The following PCDH15 variants were observed in gnomAD, a reference collection of about 807,000 sequenced individuals.
The protein encoded by PCDH15 is protocadherin-15.
Under a neutral mutation model 178.5 loss-of-function variants are expected in PCDH15, and 129 were observed. The ratio of observed to expected loss-of-function variants is 0.72; its 90% CI spans 0.63 to 0.84. The LOEUF (loss-of-function observed/expected upper bound fraction) is 0.84. Ranked by LOEUF, PCDH15 falls within the 40% of genes least tolerant of loss-of-function variation. The pLI is 0.00. For synonymous variants in PCDH15, 800 were observed against 732.0 expected (o/e 1.09, Z -1.50); for missense variants, 2,230 against 2,099.9 (o/e 1.06, Z -1.21).
In PCDH15 at chr10:54,490,222, G is replaced by A. The variant is rs185301589; in HGVS notation, c.157+37590C>T. Among the ~76,000 whole-genome samples, 97 of 152,084 alleles carry A rather than the reference G, an allele frequency of 6.4e-4. 1 individual carries two copies. The highest frequency in any genetic ancestry group is 1.9e-4 in the East Asian group (1 of 5,150). The stretch of plus-strand genomic sequence containing the variant: ...TCCCAGCACTTTGGGAGGCTGAGGC[G>A]GGCGAATCACGAGGTCAGGAGATCG... On this transcript the variant is annotated intron_variant, in intron 3 of 37. Coordinates refer to ENST00000644397, the MANE Select transcript of PCDH15 (RefSeq NM_001384140.1).
At chr10:55,381,540 A>C (rs1444912005) in intron 2 of PCDH15, among the ~76,000 whole-genome samples, 1 of 152,074 alleles carries the variant, frequency 6.6e-6, no homozygotes, top group African/African-American at 2.4e-5. Context: ...GGAGGAATTT[A>C]AGTCTTTATA....
intron 2 of PCDH15, among the ~76,000 whole-genome samples, chr10:55,337,872 C>G (rs1374178300): frequency 6.6e-6 from 1 of 151,934 alleles, no homozygotes; most frequent in African/African-American, 2.4e-5. Flanking sequence ...AATATAGAGA[C>G]AATTCACAGA....
At chr10:53,901,040 A>G (rs908849067) in intron 26 of PCDH15, among the ~76,000 whole-genome samples, 14 of 152,086 alleles carry the variant, frequency 9.2e-5, no homozygotes, top group Non-Finnish European at 2.1e-4. Flanking sequence ...TGTTCTTTCC[A>G]TGGTTCAGGG....
At chr10:53,838,469 A>G (rs1263288877) in intron 29 of PCDH15, among the ~76,000 whole-genome samples, 1 of 152,030 alleles carries the variant, frequency 6.6e-6, no homozygotes, top group Admixed American at 6.5e-5. Context: ...TTTTTCCCCA[A>G]ATATTTAATC....
intron 2 of PCDH15, among the ~76,000 whole-genome samples, chr10:55,130,949 C>T (rs1224911774): frequency 6.6e-6 from 1 of 151,544 alleles, no homozygotes; most frequent in Non-Finnish European, 1.5e-5. Context: ...ATGAATTCAG[C>T]TCTAAAAAGA....
intron 28 of PCDH15, among the ~76,000 whole-genome samples, chr10:53,856,397 A>G (rs1346376830): frequency 6.6e-6 from 1 of 151,942 alleles, no homozygotes; most frequent in Non-Finnish European, 1.5e-5. Flanking sequence ...ATACTCAGCC[A>G]TGGTGAGTCT....
chr10:54,578,742 C>T (rs10825364), intron 2 of PCDH15, among the ~76,000 whole-genome samples: 2 of 151,836 alleles, frequency 1.3e-5, no homozygotes, highest in African/African-American at 2.4e-5. Context: ...CCACAAAGTT[C>T]GAATGGCATA....
At chr10:53,904,466 G>GCC (rs2082533787) in intron 25 of PCDH15, among the ~76,000 whole-genome samples, 1 of 79,416 alleles carries the variant, frequency 1.3e-5, no homozygotes, top group East Asian at 8.2e-4. Flanking sequence ...CTTAGAAATA[G>GCC]TCTTTTTTTT....
chr10:55,128,858 C>T (rs186864628), intron 2 of PCDH15, among the ~76,000 whole-genome samples: 51 of 152,204 alleles, frequency 3.4e-4, no homozygotes, highest in East Asian at 9.7e-4. Context: ...TGAGGCTTAA[C>T]GCTACTTGCA....
intron 2 of PCDH15, among the ~76,000 whole-genome samples, chr10:54,589,053 CT>C (rs1025887959): frequency 2.6e-5 from 4 of 151,590 alleles, no homozygotes; most frequent in South Asian, 2.1e-4. Flanking sequence ...CATATTTTTG[CT>C]TTTTTTTAAG....
intron 8 of PCDH15, among the ~76,000 whole-genome samples, chr10:54,299,860 C>A (rs1219131618): frequency 6.6e-6 from 1 of 152,128 alleles, no homozygotes; most frequent in East Asian, 1.9e-4. Context: ...GCTATCTATA[C>A]CAATTCTAAG....
intron 5 of PCDH15, among the ~76,000 whole-genome samples, chr10:54,350,289 T>G (rs2583028): frequency 2.6e-5 from 4 of 152,034 alleles, no homozygotes; most frequent in African/African-American, 9.7e-5. Flanking sequence ...CAGGGGAGGA[T>G]GGGCAGGCTC....
intron 9 of PCDH15, among the ~76,000 whole-genome samples, chr10:54,224,584 C>A (rs1414410725): frequency 1.3e-5 from 2 of 152,064 alleles, no homozygotes; most frequent in African/African-American, 4.8e-5. Context: ...TTCCATTCCT[C>A]TGACATTAAA....
intron 2 of PCDH15, among the ~76,000 whole-genome samples, chr10:55,153,663 A>C (rs1022478647): frequency 5.9e-5 from 9 of 152,094 alleles, no homozygotes; most frequent in Non-Finnish European, 1.2e-4. Context: ...CACTACCTTC[A>C]TAGGTTTAAG....
chr10:54,183,273 T>C (rs951040032), intron 13 of PCDH15, among the ~76,000 whole-genome samples, 171 bp downstream of exon 13: 1 of 152,236 alleles, frequency 6.6e-6, no homozygotes. Flanking sequence ...GCCTGGCGGA[T>C]ATGCTTTTAT....
intron 18 of PCDH15, among the ~76,000 whole-genome samples, chr10:54,029,008 C>G (rs1443674478): frequency 6.6e-6 from 1 of 152,104 alleles, no homozygotes; most frequent in Non-Finnish European, 1.5e-5. Flanking sequence ...CTGAGACACA[C>G]ATCTAATGGA....
intron 21 of PCDH15, among the ~76,000 whole-genome samples, chr10:53,982,240 A>G (rs553567978): frequency 6.2e-4 from 94 of 152,334 alleles, no homozygotes; most frequent in African/African-American, 2.2e-3. Context: ...AACTAGTTCA[A>G]CCACTGTGGA....
rs140007360 is a variant in PCDH15, at chr10:54,455,024, T to G, written c.157+72788A>C. ...ATAGTGAATTTGTTCTCACAAGATA[T>G]CATGGTTTTATAAGGGGTTTTTCCC... On this transcript the variant is annotated intron_variant, in intron 3 of 37. Transcript: ENST00000644397. 4.7e-3 allele frequency among the ~76,000 whole-genome samples: 713 copies of G among 152,272 alleles called. 7 individuals carry two copies. Among genetic ancestry groups the G allele is most frequent in the African/African-American group, 0.017 (687 of 41,550 alleles).
intron 2 of PCDH15, among the ~76,000 whole-genome samples, chr10:54,971,162 T>G (rs2131893854): frequency 6.6e-6 from 1 of 152,276 alleles, no homozygotes; most frequent in Non-Finnish European, 1.5e-5. Flanking sequence ...GGTGGAATGT[T>G]ATAGTTTTAA....
Sources: allele counts gnomAD v4.1 joint callset (sites outside exome capture counted in the v4.1 genomes callset), GRCh38; gene constraint gnomAD v4.1.1; transcripts MANE v1.5; gene names NCBI Gene and HGNC (gene_info 2026-07-23, HGNC 2026-07-21).